Variants in POLQ observed in about 807,000 individuals in gnomAD.
POLQ encodes DNA polymerase theta.
Under a neutral mutation model 259.2 loss-of-function variants are expected in POLQ, and 233 were observed. The observed-to-expected ratio is 0.90, with a 90% CI of 0.81 to 1.00. The LOEUF (loss-of-function observed/expected upper bound fraction) is 1.00, where lower values mean the gene tolerates loss of function less well. Among genes scored for constraint, POLQ ranks in the 50% least tolerant of loss-of-function variants. The pLI, the probability that POLQ is intolerant of heterozygous loss-of-function variation, is 0.00. For synonymous variants in POLQ, 1,025 were observed against 1,048.8 expected, an observed-to-expected ratio of 0.98 and a Z score of 0.44; for missense variants, 2,871 against 3,051.6, an observed-to-expected ratio of 0.94 and a Z score of 1.39.
intron 22 of POLQ, among the ~76,000 whole-genome samples, chr3:121,470,529 T>C (rs1269404084): frequency 6.6e-6 from 1 of 152,162 alleles, no homozygotes; most frequent in African/African-American, 2.4e-5. Context: ...CCATGCACTA[T>C]TCTAAATACC....
chr3:121,530,262 G>A (rs1045371715), intron 6 of POLQ, among the ~76,000 whole-genome samples: 5 of 152,018 alleles, frequency 3.3e-5, no homozygotes, highest in African/African-American at 7.2e-5. Flanking sequence ...CACAGTATTC[G>A]TTAAATTATA....
chr3:121,459,463 G>C (rs1325261200), intron 25 of POLQ, among the ~76,000 whole-genome samples: 3 of 140,526 alleles, frequency 2.1e-5, no homozygotes, highest in African/African-American at 7.9e-5. Context: ...CTCACTGCAA[G>C]CTCCGCCTCC....
Position 121,545,725 on chromosome 3 carries a change from G to A in POLQ, c.153C>T (p.Ala51=). Residue 51 remains alanine (A), a synonymous_variant, in exon 1 of 30, where the codon GCC becomes GCT. Coordinates refer to ENST00000264233, the MANE Select transcript of POLQ (RefSeq NM_199420.4). ...PPPGLGRCLK[A]AAAGECKPTV... ...GGGTTCCTGGAGCACCTGCAGCTGC[G>A]GCCTTCAGGCAGCGACCAAGGCCGG... is the stretch of plus-strand genomic sequence containing the variant. 2.6e-6 allele frequency: 4 copies of A among 1,566,540 alleles called. No individual in the cohort carries two copies. The highest frequency in any genetic ancestry group is 3.5e-6 in the Non-Finnish European group (4 of 1,156,428).
Position 121,498,528 on chromosome 3 carries a change from T to A in POLQ, c.2102A>T (p.Lys701Ile). ...CTGTCTCTCAGTTCTGGCTACTACT[T>A]TTCCTTTCACACAACGGGCCAAGAA... ...EGFLARCVKG[K>I]VVARTERQHR... The change falls in exon 13 of 30, where the codon AAA becomes ATA. Residue 701 changes from lysine to isoleucine, a missense_variant. Physicochemically the swap from Lys to Ile is moderately radical, Grantham distance 102. Transcript: ENST00000264233. 1 of 1,614,096 alleles carries A rather than the reference T, an allele frequency of 6.2e-7. No homozygotes were observed. Among genetic ancestry groups the A allele is most frequent in the South Asian group, 1.1e-5 (1 of 91,064 alleles).
At chr3:121,538,235 G>A (rs2048464060) in intron 4 of POLQ, among the ~76,000 whole-genome samples, 1 of 151,970 alleles carries the variant, frequency 6.6e-6, no homozygotes, top group African/African-American at 2.4e-5. Flanking sequence ...AATATGGTAA[G>A]CTAGTGAGTC....
chr3:121,432,927 ATCT>A lies in POLQ; in HGVS notation c.7647_7649del (p.Glu2549del), dbSNP rs760227094. 9 of 1,579,162 alleles carry A rather than the reference ATCT, an allele frequency of 5.7e-6. No individual in the cohort carries two copies. Among genetic ancestry groups the A allele is most frequent in the South Asian group, 5.5e-5 (5 of 90,366 alleles). On this transcript the variant is annotated inframe_deletion, in exon 29 of 30. Coordinates refer to ENST00000264233, the MANE Select transcript of POLQ (RefSeq NM_199420.4). ...AGCATTGCAAAAATACCTGAACAACATCTTCTTCTGCCACTTCATATAGGAGTT... is the reference window on the plus strand; with the variant it reads ...AGCATTGCAAAAATACCTGAACAACATCTTCTGCCACTTCATATAGGAGTT...
At chr3:121,516,721 G>T (rs2048300070) in intron 9 of POLQ, among the ~76,000 whole-genome samples, 2 of 152,180 alleles carry the variant, frequency 1.3e-5, no homozygotes, top group Admixed American at 6.5e-5. Flanking sequence ...AACACCATGT[G>T]CTGTCCAGGA....
At position 121,545,326 on chromosome 3, in the gene POLQ, G is replaced by T. The variant is rs116539878; in HGVS notation, c.163+389C>A. On this transcript the variant is annotated intron_variant, in intron 1 of 29. Coordinates refer to ENST00000264233, the MANE Select transcript of POLQ (RefSeq NM_199420.4). Reference sequence around the variant, plus strand: ...CGGGACACCCAACCAATCTCATTACGAATCCCTTCCAGCCTTCCCCTGGAC... The same window carrying T: ...CGGGACACCCAACCAATCTCATTACTAATCCCTTCCAGCCTTCCCCTGGAC... Among the ~76,000 whole-genome samples the T allele has an allele frequency of 5.7e-3, 872 of 152,162 alleles. 8 individuals are homozygous for T. The highest frequency in any genetic ancestry group is 0.019 in the African/African-American group (805 of 41,510).
intron 24 of POLQ, among the ~76,000 whole-genome samples, chr3:121,462,483 AT>A (rs1273118155): frequency 5.3e-5 from 8 of 152,178 alleles, no homozygotes; most frequent in Non-Finnish European, 1.2e-4. Flanking sequence ...GGCAGCTGGA[AT>A]TTGGAGAGAA....
At chr3:121,494,491 C>A in intron 14 of POLQ, 1 of 1,487,940 alleles carries the variant, frequency 6.7e-7, no homozygotes, top group Non-Finnish European at 9.3e-7. Flanking sequence ...GAGGGGACGT[C>A]CCCACCAAGA....
intron 28 of POLQ, among the ~76,000 whole-genome samples, chr3:121,433,753 G>C (rs776312426): frequency 6.6e-6 from 1 of 152,152 alleles, no homozygotes; most frequent in Non-Finnish European, 1.5e-5. Context: ...AGCTCAACAT[G>C]AACACCTTTA....
intron 7 of POLQ, among the ~76,000 whole-genome samples, chr3:121,528,776 A>G (rs2048390280): frequency 6.6e-6 from 1 of 151,990 alleles, no homozygotes; most frequent in South Asian, 2.1e-4. Flanking sequence ...AACATGGTGA[A>G]ACCTCATCTC....
Position 121,439,909 on chromosome 3 carries a change from C to T in POLQ, c.7389+83G>A, listed in dbSNP as rs554958471. On this transcript the variant is annotated intron_variant, in intron 27 of 29. Coordinates refer to ENST00000264233, the MANE Select transcript of POLQ (RefSeq NM_199420.4). ...ATTAATATGCCAGTAATCCCTAAAA[C>T]GGATATTTGTAGTATTTACTCTGCT... 178 of 1,216,690 alleles carry T rather than the reference C, an allele frequency of 1.5e-4. No individual in the cohort carries two copies. The African/African-American group carries it at 2.0e-3, about 14-fold the overall frequency. 75.4% of individuals were successfully genotyped at this position (1,216,690 alleles called of 1,614,324 possible). A position where few individuals can be genotyped will look rare whatever the true frequency, so the allele number is the denominator to read the frequency against.
chr3:121,495,805 C>T (rs904781130), intron 14 of POLQ, among the ~76,000 whole-genome samples: 1 of 141,896 alleles, frequency 7.0e-6, no homozygotes, highest in African/African-American at 2.6e-5. Context: ...GCCGAGATGG[C>T]GCCACTGCAC....
In POLQ at chr3:121,487,883, G is replaced by A; in HGVS notation, c.5048C>T (p.Ser1683Leu). 1 of 1,609,626 alleles carries A rather than the reference G, an allele frequency of 6.2e-7. No individual in the cohort carries two copies. Among genetic ancestry groups the A allele is most frequent in the Non-Finnish European group, 8.5e-7 (1 of 1,178,162 alleles). ...CTGCACTTGTTTTGTCTCCAAGTTT[G>A]AAATAACTTCTTGTTCTTCATTTAA... is the stretch of plus-strand genomic sequence containing the variant. The part of the protein sequence containing the change: ...TELNEEQEVI[S>L]NLETKQVQGI... The change falls in exon 16 of 30, where the codon TCA becomes TTA. Residue 1683 changes from serine to leucine, a missense_variant. Physicochemically the swap from Ser to Leu is moderately radical, Grantham distance 145 (BLOSUM62 -2). This residue lies in a region of POLQ where 2,080 missense variants were observed against 2,126.0 expected (regional missense o/e 0.98). Transcript: ENST00000264233.
chr3:121,490,767 C>T (rs1322391800), intron 15 of POLQ, among the ~76,000 whole-genome samples: 1 of 152,146 alleles, frequency 6.6e-6, no homozygotes, highest in Non-Finnish European at 1.5e-5. Context: ...CATTGAAAAA[C>T]ATCCGGCCGG....
At chr3:121,479,161 C>T (rs951537139) in intron 19 of POLQ, among the ~76,000 whole-genome samples, 4 of 152,018 alleles carry the variant, frequency 2.6e-5, no homozygotes, top group Non-Finnish European at 4.4e-5. Flanking sequence ...AACCATTCTT[C>T]TAAATAATTT....
intron 4 of POLQ, among the ~76,000 whole-genome samples, chr3:121,538,297 ATTTAACCAAT>A (rs2048464781): frequency 6.6e-6 from 1 of 152,142 alleles, no homozygotes; most frequent in Non-Finnish European, 1.5e-5. Context: ...TACTTGGAGA[ATTTAACCAAT>A]GTATATACTT....
intron 5 of POLQ, among the ~76,000 whole-genome samples, chr3:121,535,106 G>T (rs1349797542): frequency 6.6e-6 from 1 of 152,120 alleles, no homozygotes; most frequent in Non-Finnish European, 1.5e-5. Flanking sequence ...AGTGATTTGG[G>T]ATATAGATGG....
Sources: allele counts gnomAD v4.1 joint callset (sites outside exome capture counted in the v4.1 genomes callset), GRCh38; gene constraint gnomAD v4.1.1; regional missense constraint gnomAD v4.1.1; transcripts MANE v1.5; gene names NCBI Gene and HGNC (gene_info 2026-07-23, HGNC 2026-07-21).